SGSM1: variants seen among roughly 807,000 people sequenced by gnomAD.
SGSM1 encodes the protein small G protein signaling modulator 1.
SGSM1 carries 73 observed loss-of-function variants against 133.8 expected under a neutral mutation model. That is an observed-to-expected ratio of 0.55 (90% CI 0.45 to 0.66). The LOEUF (loss-of-function observed/expected upper bound fraction) is 0.66. SGSM1 is among the 30% of genes least tolerant of loss of function. SGSM1 has a pLI of 0.00. For synonymous variants in SGSM1, 563 were observed against 573.0 expected (o/e 0.98, Z 0.25); for missense variants, 1,213 against 1,448.1 (o/e 0.84, Z 2.64).
intron 23 of SGSM1, among the ~76,000 whole-genome samples, chr22:24,918,647 A>AC (rs1284846696): frequency 6.6e-6 from 1 of 152,044 alleles, no homozygotes. Context: ...AGAAGTAACT[A>AC]CCCCAGGCTC....
chr22:24,883,985 A>G (rs975247141), intron 14 of SGSM1, 68 bp from the exon 15 acceptor site: 2 of 1,470,606 alleles, frequency 1.4e-6, no homozygotes, highest in Non-Finnish European at 1.8e-6. Context: ...GAACTTGGGA[A>G]GTCCCATGAG....
rs1014598681 is a variant in SGSM1 at position 24,925,456 on chromosome 22, T to C, written c.*1182T>C. 1.3e-5 allele frequency: 2 copies of C among 152,238 alleles called. No individual in the cohort carries two copies. The highest frequency in any genetic ancestry group is 2.4e-5 in the African/African-American group (1 of 41,456). The allele number at this position is 152,238 out of a possible 1,614,324, so 9.4% of individuals were successfully genotyped here. ...TTCTCCTTTTTTCTCCTCTGTCTGA[T>C]GCCAGAAGATACTTGTTTTCTTCTT... On this transcript the variant is annotated 3_prime_UTR_variant, in exon 25 of 25. Transcript: ENST00000400358.
chr22:24,913,428 C>T (rs368430831), intron 22 of SGSM1, among the ~76,000 whole-genome samples: 3 of 151,966 alleles, frequency 2.0e-5, no homozygotes, highest in Non-Finnish European at 2.9e-5. Context: ...GGTGCAAGCT[C>T]GATTTTGAGA....
intron 2 of SGSM1, among the ~76,000 whole-genome samples, chr22:24,830,066 C>T (rs539647405): frequency 9.0e-6 from 1 of 110,608 alleles, no homozygotes; most frequent in Non-Finnish European, 1.9e-5. Context: ...AGTGTGTGGC[C>T]TCCTCTTTCT....
chr22:24,855,475 G>A (rs754384728), intron 7 of SGSM1, 45 bp downstream of exon 7: 4 of 1,613,090 alleles, frequency 2.5e-6, no homozygotes, highest in Admixed American at 3.3e-5. Flanking sequence ...CCTTACATGA[G>A]GGCAGGAAGC....
Position 24,907,542 on chromosome 22 carries a change from G to A in SGSM1, c.2818+2355G>A, listed in dbSNP as rs868508613. 2.0e-5 allele frequency among the ~76,000 whole-genome samples: 3 copies of A among 151,534 alleles called. No individual in the cohort carries two copies. The East Asian group carries it at 5.8e-4, about 29-fold the overall frequency. On this transcript the variant is annotated intron_variant, in intron 21 of 24. Coordinates refer to ENST00000400358, the MANE Select transcript of SGSM1 (RefSeq NM_001098497.3). ...TTGTTTTTTGTTGTTGTTTTTTTTGGTTTTTTGGTTTTTTTGCAAAAATTA... is the reference window on the plus strand; with the variant it reads ...TTGTTTTTTGTTGTTGTTTTTTTTGATTTTTTGGTTTTTTTGCAAAAATTA...
chr22:24,859,523 G>A (rs986061679), intron 8 of SGSM1, 193 bp from the exon 9 acceptor site: 3 of 720,580 alleles, frequency 4.2e-6, no homozygotes, highest in South Asian at 1.5e-5. Flanking sequence ...CATTTGGGAG[G>A]CTGGCTGCAA....
At chr22:24,859,362 C>T (rs896417347) in intron 8 of SGSM1, among the ~76,000 whole-genome samples, 3 of 152,170 alleles carry the variant, frequency 2.0e-5, no homozygotes, top group South Asian at 2.1e-4. Context: ...AGATAAATGC[C>T]TTCTGTTTTG....
At position 24,807,836 on chromosome 22, in the gene SGSM1, G is replaced by T. The variant is rs575806093; in HGVS notation, c.63+1352G>T. Among the ~76,000 whole-genome samples, 6 of 151,654 alleles carry T rather than the reference G, an allele frequency of 4.0e-5. No homozygotes were observed. In the East Asian group the frequency reaches 1.2e-3, roughly 30 times the overall value. ...GACAGCCACCAAGGGCAGCCTCGAGGCTTGGACCTGTTGCTGCTCCTCCGT... is the reference window on the plus strand; with the variant it reads ...GACAGCCACCAAGGGCAGCCTCGAGTCTTGGACCTGTTGCTGCTCCTCCGT... On this transcript the variant is annotated intron_variant, in intron 2 of 24. Transcript: ENST00000400358.
intron 14 of SGSM1, among the ~76,000 whole-genome samples, chr22:24,883,290 A>T (rs989613078): frequency 6.6e-6 from 1 of 152,192 alleles, no homozygotes; most frequent in African/African-American, 2.4e-5. Flanking sequence ...TGCAGTAAAC[A>T]TGGGGGTGCA....
At chr22:24,816,747 A>G (rs988083028) in intron 2 of SGSM1, among the ~76,000 whole-genome samples, 2 of 152,166 alleles carry the variant, frequency 1.3e-5, no homozygotes, top group African/African-American at 4.8e-5. Context: ...CAATGATGTC[A>G]TCAGGACACT....
At chr22:24,833,856 A>G (rs1280828834) in intron 2 of SGSM1, among the ~76,000 whole-genome samples, 4 of 152,208 alleles carry the variant, frequency 2.6e-5, no homozygotes, top group Non-Finnish European at 4.4e-5. Context: ...ATAAGTGGGG[A>G]CACCCTGAAG....
chr22:24,895,604 A>G (rs1932895982), intron 18 of SGSM1, among the ~76,000 whole-genome samples: 1 of 152,156 alleles, frequency 6.6e-6, no homozygotes, highest in Non-Finnish European at 1.5e-5. Context: ...AACCTTCTGT[A>G]TGCATATACA....
chr22:24,872,897 C>T (rs990712480), intron 12 of SGSM1, among the ~76,000 whole-genome samples: 2 of 149,112 alleles, frequency 1.3e-5, no homozygotes, highest in African/African-American at 4.9e-5. Flanking sequence ...CCAGCCTGGG[C>T]AACAGAGCGA....
At chr22:24,875,792 T>A (rs1931998469) in intron 12 of SGSM1, among the ~76,000 whole-genome samples, 1 of 152,218 alleles carries the variant, frequency 6.6e-6, no homozygotes, top group Non-Finnish European at 1.5e-5. Flanking sequence ...ACTCTGCAGT[T>A]CTTATGAAGC....
At chr22:24,923,144 G>GA (rs61208397) in intron 24 of SGSM1, among the ~76,000 whole-genome samples, 3 of 150,386 alleles carry the variant, frequency 2.0e-5, no homozygotes, top group Non-Finnish European at 3.0e-5. Flanking sequence ...TGTCTCAAAA[G>GA]AAAAAAAAAG....
At chr22:24,823,814 G>A (rs992994165) in intron 2 of SGSM1, among the ~76,000 whole-genome samples, 7 of 151,936 alleles carry the variant, frequency 4.6e-5, no homozygotes, top group African/African-American at 7.3e-5. Flanking sequence ...GGAGGCTGAG[G>A]CGGGAGGATT....
chr22:24,822,413 C>T (rs577862086), intron 2 of SGSM1, among the ~76,000 whole-genome samples: 1 of 152,020 alleles, frequency 6.6e-6, no homozygotes, highest in African/African-American at 2.4e-5. Flanking sequence ...TTCTTTCCAA[C>T]CCCTGGCAGC....
chr22:24,924,457 C>T lies in SGSM1; in HGVS notation c.*183C>T. ...CTGGGCAGATGGGGTGGAGGGAGTA[C>T]CCCTTCAATTCAGCCTTACATTTTC... On this transcript the variant is annotated 3_prime_UTR_variant, in exon 25 of 25. Transcript: ENST00000400358. 3 of 590,678 alleles carry T rather than the reference C, an allele frequency of 5.1e-6. No homozygotes were observed. The highest frequency in any genetic ancestry group is 9.1e-6 in the Non-Finnish European group (3 of 330,978). The allele number at this position is 590,678 out of a possible 1,614,324, so 36.6% of individuals were successfully genotyped here.
Sources: gnomAD v4.1 joint callset for allele counts (sites outside exome capture counted in the v4.1 genomes callset) on GRCh38, gnomAD v4.1.1 for gene constraint, MANE v1.5 for transcripts, NCBI Gene and HGNC (gene_info 2026-07-23, HGNC 2026-07-21) for gene names.